Variants in DACH2 observed in about 807,000 individuals in gnomAD.
The protein encoded by DACH2 is dachshund family transcription factor 2.
In DACH2, 17 loss-of-function variants were observed where a neutral mutation model predicts 35.8. The observed-to-expected ratio is 0.48, with a 90% confidence interval of 0.33 to 0.71. The LOEUF (loss-of-function observed/expected upper bound fraction) is 0.71. Ranked by LOEUF, DACH2 falls within the 30% of genes least tolerant of loss-of-function variation. The pLI is 0.02. For missense variants in DACH2, 469 were observed against 472.7 expected, an observed-to-expected ratio of 0.99 and a Z score of 0.07; for synonymous variants, 195 against 177.3, an observed-to-expected ratio of 1.10 and a Z score of -0.79.
At chrX:86,538,141 C>T (rs958883943) in intron 3 of DACH2, among the ~76,000 whole-genome samples, 9 of 111,292 alleles carry the variant, frequency 8.1e-5, no homozygotes, top group East Asian at 2.8e-4. Flanking sequence ...CACGGATGCA[C>T]GTGACATGGT....
At chrX:86,414,148 A>G (rs1343841559) in intron 2 of DACH2, among the ~76,000 whole-genome samples, 2 of 111,721 alleles carry the variant, frequency 1.8e-5, no homozygotes, top group African/African-American at 6.5e-5. Flanking sequence ...TAAACTGGCT[A>G]ACTGGCTCAA....
At chrX:86,348,611 G>T (rs757691647) in intron 1 of DACH2, among the ~76,000 whole-genome samples, 68 of 111,347 alleles carry the variant, frequency 6.1e-4, no homozygotes, top group African/African-American at 2.1e-3. Context: ...GATTTTCGAG[G>T]TAAAGTTAAT....
intron 2 of DACH2, among the ~76,000 whole-genome samples, chrX:86,494,701 G>A (rs934724180): frequency 1.8e-5 from 2 of 112,151 alleles, no homozygotes; most frequent in Non-Finnish European, 3.8e-5. Flanking sequence ...GTCAACAAGT[G>A]GTACCTTAAT....
chrX:86,313,187 A>T (rs1352237133), intron 1 of DACH2, among the ~76,000 whole-genome samples: 1 of 111,596 alleles, frequency 9.0e-6, no homozygotes, highest in Non-Finnish European at 1.9e-5. Flanking sequence ...ATAATAATTT[A>T]AAAACTCATA....
chrX:86,401,063 C>T (rs1444346744), intron 2 of DACH2, among the ~76,000 whole-genome samples: 1 of 112,288 alleles, frequency 8.9e-6, no homozygotes, highest in Admixed American at 9.4e-5. Context: ...TTTACCTACT[C>T]AAGCCTGGGC....
chrX:86,590,516 T>G (rs1309974025), intron 3 of DACH2, among the ~76,000 whole-genome samples: 1 of 112,266 alleles, frequency 8.9e-6, no homozygotes, highest in East Asian at 2.8e-4. Context: ...TCAATGAAGC[T>G]GCTGTATATA....
At chrX:86,283,871 T>TATACACACAC (rs560297079) in intron 1 of DACH2, among the ~76,000 whole-genome samples, 2 of 102,143 alleles carry the variant, frequency 2.0e-5, no homozygotes, top group African/African-American at 7.3e-5. Context: ...TTAAAGTATA[T>TATACACACAC]ACACACACAC....
At chrX:86,505,839 T>C (rs1177263021) in intron 2 of DACH2, among the ~76,000 whole-genome samples, 2 of 111,899 alleles carry the variant, frequency 1.8e-5, no homozygotes, top group South Asian at 3.7e-4. Flanking sequence ...ATACGAAGTA[T>C]ATTTTGAAGT....
At chrX:86,715,704 T>G in intron 6 of DACH2, among the ~76,000 whole-genome samples, 1 of 111,777 alleles carries the variant, frequency 8.9e-6, no homozygotes, top group East Asian at 2.8e-4. Flanking sequence ...AAGTACCCAC[T>G]TAATTTGTAC....
intron 7 of DACH2, among the ~76,000 whole-genome samples, chrX:86,789,897 G>A (rs1277152836): frequency 3.6e-5 from 4 of 110,964 alleles, no homozygotes; most frequent in Non-Finnish European, 7.6e-5. Flanking sequence ...CCCTAATGAT[G>A]TACATTTTGA....
intron 4 of DACH2, among the ~76,000 whole-genome samples, chrX:86,688,313 G>A (rs189982543): frequency 4.6e-4 from 51 of 111,244 alleles, no homozygotes; most frequent in Non-Finnish European, 8.7e-4. Flanking sequence ...CAGTCGTTAT[G>A]TCAAGGGCCA....
At chrX:86,358,224 C>T (rs2035674240) in intron 1 of DACH2, among the ~76,000 whole-genome samples, 1 of 110,935 alleles carries the variant, frequency 9.0e-6, no homozygotes, top group South Asian at 3.8e-4. Flanking sequence ...AGAAATAATT[C>T]TGTCTTTCAG....
In DACH2 at chrX:86,222,185, A is replaced by G. The variant is rs374695615; in HGVS notation, c.488+73077A>G. Among the ~76,000 whole-genome samples, 13 of 112,451 alleles carry G rather than the reference A, an allele frequency of 1.2e-4. No homozygotes were observed. The East Asian group carries it at 3.6e-3, about 31-fold the overall frequency. On this transcript the variant is annotated intron_variant, in intron 1 of 11. Coordinates refer to ENST00000373125, the MANE Select transcript of DACH2 (RefSeq NM_053281.3). Reference sequence around the variant, plus strand: ...ATTTAAGATACAATTGCTGTACACGAAAATAATAGAAATGCATTAAATTGG... The same window carrying G: ...ATTTAAGATACAATTGCTGTACACGGAAATAATAGAAATGCATTAAATTGG...
At position 86,287,735 on chromosome X, in the gene DACH2, T is replaced by C. The variant is rs907041661; in HGVS notation, c.489-89089T>C. Among the ~76,000 whole-genome samples the C allele has an allele frequency of 5.3e-5, 6 of 112,275 alleles. No homozygotes were observed. The East Asian group carries it at 1.4e-3, about 26-fold the overall frequency. On this transcript the variant is annotated intron_variant, in intron 1 of 11. Coordinates refer to ENST00000373125, the MANE Select transcript of DACH2 (RefSeq NM_053281.3). ...TTAGCTCCAGAATTTCTGCTTATTT[T>C]TGATTATTTCTATGTTTTAATTAAA... is the stretch of plus-strand genomic sequence containing the variant.
In DACH2 at chrX:86,149,076, C is replaced by T. The variant is rs2030266724; in HGVS notation, c.456C>T (p.Phe152=). ...NRCKLITRKD[F]ETLFTDCTNA... is the part of the protein sequence containing the mutation. ...GCAAACTCATCACCAGGAAAGACTT[C>T]GAAACTTTGTTCACCGATTGCACCA... The change falls in exon 1 of 12, where the codon TTC becomes TTT. Residue 152 remains phenylalanine, a synonymous_variant. Transcript: ENST00000373125. The T allele has an allele frequency of 2.5e-6, 3 of 1,189,442 alleles. No homozygotes were observed. The highest frequency in any genetic ancestry group is 1.9e-5 in the South Asian group (1 of 53,499).
At chrX:86,320,125 C>T (rs1010237586) in intron 1 of DACH2, among the ~76,000 whole-genome samples, 14 of 111,146 alleles carry the variant, frequency 1.3e-4, no homozygotes, top group African/African-American at 4.3e-4. Context: ...CCTAGGAGTC[C>T]CTGGCCACCA....
chrX:86,820,067 T>C (rs62592697), intron 11 of DACH2, among the ~76,000 whole-genome samples: 3,196 of 111,330 alleles, frequency 0.029, 49 homozygotes, highest in Middle Eastern at 0.11. Context: ...ACAACTGCCA[T>C]CATGAACTGA....
intron 2 of DACH2, among the ~76,000 whole-genome samples, chrX:86,495,259 C>T (rs940231982): frequency 9.2e-6 from 1 of 108,482 alleles, no homozygotes; most frequent in Admixed American, 1.0e-4. Flanking sequence ...GGTGTTTCAC[C>T]ATATTGGCCA....
At chrX:86,621,786 T>G (rs947968621) in intron 3 of DACH2, among the ~76,000 whole-genome samples, 1 of 111,898 alleles carries the variant, frequency 8.9e-6, no homozygotes, top group Non-Finnish European at 1.9e-5. Flanking sequence ...GCAGTGGGTG[T>G]CCAATAATAG....
Sources: gnomAD v4.1 joint callset for allele counts (sites outside exome capture counted in the v4.1 genomes callset) on GRCh38, gnomAD v4.1.1 for gene constraint, MANE v1.5 for transcripts, NCBI Gene and HGNC (gene_info 2026-07-23, HGNC 2026-07-21) for gene names.